Variants in TPX2 observed in about 807,000 individuals in gnomAD.
TPX2 encodes TPX2 microtubule nucleation factor.
TPX2 carries 21 observed loss-of-function variants against 93.6 expected under a neutral mutation model. The observed-to-expected ratio is 0.22, with a 90% CI of 0.16 to 0.32. The LOEUF (loss-of-function observed/expected upper bound fraction) is 0.32. TPX2 is among the 10% of genes least tolerant of loss of function. The probability of loss-of-function intolerance (pLI) is 1.00; values close to 1 mark genes in which losing one functional copy is unlikely to be tolerated. For missense variants in TPX2, 776 were observed against 871.1 expected, an observed-to-expected ratio of 0.89 and a Z score of 1.37; for synonymous variants, 281 against 298.3, an observed-to-expected ratio of 0.94 and a Z score of 0.60.
At position 31,798,535 on chromosome 20, in the gene TPX2, A is replaced by G. The variant is rs1233482989; in HGVS notation, c.2116A>G (p.Arg706Gly). The change falls in exon 17 of 18, where the codon AGG becomes GGG. Residue 706 changes from arginine (R) to glycine (G), a missense_variant. Around this residue, in one of 3 missense-constraint regions of TPX2, gnomAD observed 461 missense variants for 551.2 expected, o/e 0.84. Transcript: ENST00000300403. The stretch of plus-strand genomic sequence containing the variant: ...AGAGCAGAAAAAAGAGGAGCTGGCC[A>G]GGCTACGGAGAGAACTGGTAACTGG... ...EEEQKKEELA[R>G]LRRELVHKAN... is the part of the protein sequence containing the mutation. The G allele has an allele frequency of 1.9e-6, 3 of 1,608,254 alleles. No individual in the cohort carries two copies. The highest frequency in any genetic ancestry group is 2.5e-6 in the Non-Finnish European group (3 of 1,178,612).
rs35468756 is a variant in TPX2, at chr20:31,759,396, GTTTTTTTTTTTT to G, written c.107-650_107-639del. Among the ~76,000 whole-genome samples, 9 of 100,412 alleles carry G rather than the reference GTTTTTTTTTTTT, an allele frequency of 9.0e-5. No homozygotes were observed. In the East Asian group the frequency reaches 1.4e-3, roughly 15 times the overall value. 65.9% of individuals were successfully genotyped at this position (100,412 alleles called of 152,430 possible). A position where few individuals can be genotyped will look rare whatever the true frequency, so the allele number is the denominator to read the frequency against. ...TTTTTGATGGTTACAGTTTTCTTTC[GTTTTTTTTTTTT>G]TTTTTTTTTTGAGATGGAGTCTTGC... On this transcript the variant is annotated intron_variant, in intron 3 of 17. Coordinates refer to ENST00000300403, the MANE Select transcript of TPX2 (RefSeq NM_012112.5).
intron 10 of TPX2, among the ~76,000 whole-genome samples, chr20:31,780,766 T>G (rs951400678): frequency 1.3e-5 from 2 of 152,218 alleles, no homozygotes; most frequent in Non-Finnish European, 2.9e-5. Flanking sequence ...CAATGAGTGG[T>G]GGTGATGTCT....
intron 17 of TPX2, among the ~76,000 whole-genome samples, 192 bp downstream of exon 17, chr20:31,798,744 TG>T (rs1568613614): frequency 6.6e-6 from 1 of 152,224 alleles, no homozygotes; most frequent in Non-Finnish European, 1.5e-5. Flanking sequence ...ATGTGTACAT[TG>T]TGATCTAAGT....
chr20:31,791,825 G>A (rs900329336), intron 12 of TPX2, among the ~76,000 whole-genome samples: 1 of 152,114 alleles, frequency 6.6e-6, no homozygotes, highest in Admixed American at 6.6e-5. Context: ...CTGAGGTTTT[G>A]TTTTGTTCTT....
At chr20:31,751,738 A>G (rs1197791198) in intron 2 of TPX2, among the ~76,000 whole-genome samples, 2 of 152,170 alleles carry the variant, frequency 1.3e-5, no homozygotes, top group African/African-American at 4.8e-5. Flanking sequence ...AATGGTTTAT[A>G]CAATAATTAT....
chr20:31,773,450 C>T (rs998475468), intron 7 of TPX2, among the ~76,000 whole-genome samples: 2 of 151,270 alleles, frequency 1.3e-5, no homozygotes, highest in Non-Finnish European at 2.9e-5. Context: ...CATGCCTGGC[C>T]CCGGCTAATT....
chr20:31,797,263 T>C, intron 15 of TPX2, 141 bp from the exon 16 acceptor site: 1 of 690,398 alleles, frequency 1.4e-6, no homozygotes, highest in Non-Finnish European at 2.4e-6. Flanking sequence ...GTAAAGTTTG[T>C]GTGAAAGATT....
chr20:31,769,341 C>G (rs1269542299), intron 5 of TPX2, among the ~76,000 whole-genome samples: 14 of 135,628 alleles, frequency 1.0e-4, no homozygotes, highest in African/African-American at 2.8e-4. Flanking sequence ...TTTTTCAAGG[C>G]GGAGTCTCGC....
chr20:31,774,412 C>T (rs2061982964), intron 7 of TPX2, among the ~76,000 whole-genome samples: 2 of 151,864 alleles, frequency 1.3e-5, no homozygotes, highest in Admixed American at 6.6e-5. Flanking sequence ...TATCTGTTTC[C>T]TTTTTATTTT....
chr20:31,741,142 TCTC>T (rs1442691851), intron 1 of TPX2, among the ~76,000 whole-genome samples: 1 of 152,190 alleles, frequency 6.6e-6, no homozygotes, highest in Non-Finnish European at 1.5e-5. Flanking sequence ...CTCATCTACA[TCTC>T]CTGGTTAATT....
At chr20:31,759,406 T>TG (rs1041198116) in intron 3 of TPX2, among the ~76,000 whole-genome samples, 3 of 146,540 alleles carry the variant, frequency 2.0e-5, no homozygotes, top group African/African-American at 2.6e-5. Context: ...GTTTTTTTTT[T>TG]TTTTTTTTTT....
At chr20:31,772,241 G>A (rs1401864186) in intron 7 of TPX2, among the ~76,000 whole-genome samples, 4 of 152,140 alleles carry the variant, frequency 2.6e-5, no homozygotes, top group East Asian at 3.9e-4. Flanking sequence ...GGCTGGTCTC[G>A]AATTCCTGAC....
intron 15 of TPX2, among the ~76,000 whole-genome samples, 194 bp downstream of exon 15, chr20:31,794,742 G>A (rs2062124829): frequency 6.7e-6 from 1 of 150,088 alleles, no homozygotes; most frequent in South Asian, 2.1e-4. Context: ...GTTACATATG[G>A]TCTCTGTCGC....
chr20:31,747,223 C>T (rs1004169937), intron 2 of TPX2, among the ~76,000 whole-genome samples: 1 of 152,124 alleles, frequency 6.6e-6, no homozygotes, highest in African/African-American at 2.4e-5. Context: ...TGGGTTCAAG[C>T]TATTTTCCTG....
intron 12 of TPX2, among the ~76,000 whole-genome samples, chr20:31,790,940 A>G (rs1486889487): frequency 6.6e-6 from 1 of 152,204 alleles, no homozygotes; most frequent in African/African-American, 2.4e-5. Context: ...GGAGAGATCT[A>G]TTGAAAGGCT....
chr20:31,788,550 C>A (rs987146790), intron 12 of TPX2, among the ~76,000 whole-genome samples: 3 of 152,198 alleles, frequency 2.0e-5, no homozygotes, highest in Non-Finnish European at 4.4e-5. Flanking sequence ...ACGTCCCCCC[C>A]AGTGCTGAAG....
chr20:31,776,067 T>TG (rs2061996528), intron 8 of TPX2, 79 bp downstream of exon 8: 1 of 508,240 alleles, frequency 2.0e-6, no homozygotes, highest in Non-Finnish European at 2.4e-6. Flanking sequence ...TTTTTTTTTT[T>TG]TTTTTTTTTT....
At chr20:31,795,281 G>A (rs576099823) in intron 15 of TPX2, among the ~76,000 whole-genome samples, 10 of 152,220 alleles carry the variant, frequency 6.6e-5, no homozygotes, top group African/African-American at 2.2e-4. Flanking sequence ...TTACAGGCGC[G>A]TGCCACCACG....
chr20:31,758,543 G>A (rs977016886), intron 3 of TPX2, among the ~76,000 whole-genome samples: 7 of 152,178 alleles, frequency 4.6e-5, no homozygotes, highest in Non-Finnish European at 7.3e-5. Flanking sequence ...TAATATCTGA[G>A]ACTAGTTGTT....
Sources: gnomAD v4.1 joint callset for allele counts (sites outside exome capture counted in the v4.1 genomes callset) on GRCh38, gnomAD v4.1.1 for gene constraint, gnomAD v4.1.1 regional missense constraint, MANE v1.5 for transcripts, NCBI Gene and HGNC (gene_info 2026-07-23, HGNC 2026-07-21) for gene names.